The following THRB variants were observed in gnomAD, a reference collection of about 807,000 sequenced individuals.
THRB encodes the protein nuclear receptor subfamily 1 group A member 2.
A neutral mutation model predicts 47.8 loss-of-function variants in THRB; 12 were observed. That is an observed-to-expected ratio of 0.25 (90% CI 0.16 to 0.41). The LOEUF is 0.41. THRB is among the 10% of genes least tolerant of loss of function. The pLI is 1.00. For synonymous variants in THRB, 218 were observed against 212.2 expected (o/e 1.03, Z -0.24); for missense variants, 348 against 589.2 (o/e 0.59, Z 4.24).
At chr3:24,198,212 T>A (rs1480396045) in intron 4 of THRB, among the ~76,000 whole-genome samples, 6 of 152,190 alleles carry the variant, frequency 3.9e-5, no homozygotes, top group African/African-American at 1.4e-4. Context: ...ATTTGGAATA[T>A]TCGGACAAGG....
chr3:24,260,202 G>A (rs1054405920), intron 3 of THRB, among the ~76,000 whole-genome samples: 2 of 152,176 alleles, frequency 1.3e-5, no homozygotes, highest in African/African-American at 2.4e-5. Flanking sequence ...CAGTTGTCAG[G>A]AGAGAAAATG....
At chr3:24,187,486 G>T (rs844103) in intron 5 of THRB, among the ~76,000 whole-genome samples, 35,847 of 151,966 alleles carry the variant, frequency 0.24, 4,384 homozygotes, top group Admixed American at 0.33. Context: ...TATTTTGTTC[G>T]TATCATTTCT....
chr3:24,278,774 G>A (rs993118261), intron 3 of THRB, among the ~76,000 whole-genome samples: 5 of 152,170 alleles, frequency 3.3e-5, no homozygotes, highest in African/African-American at 7.2e-5. Context: ...AGCACCCAAC[G>A]TGGCAGCTGC....
chr3:24,313,534 T>C (rs2057902369), intron 2 of THRB, among the ~76,000 whole-genome samples: 1 of 152,188 alleles, frequency 6.6e-6, no homozygotes. Context: ...TTGAAAAATA[T>C]GTTTCTCTCT....
At chr3:24,279,630 C>G (rs1040998237) in intron 3 of THRB, among the ~76,000 whole-genome samples, 1 of 150,562 alleles carries the variant, frequency 6.6e-6, no homozygotes, top group Admixed American at 6.6e-5. Context: ...CTCCTGACCT[C>G]GTGATCCACC....
intron 3 of THRB, among the ~76,000 whole-genome samples, chr3:24,248,539 T>C (rs903343352): frequency 6.6e-6 from 1 of 152,144 alleles, no homozygotes; most frequent in Non-Finnish European, 1.5e-5. Context: ...CTTTGCTCTA[T>C]TCTGTGATGC....
intron 10 of THRB, among the ~76,000 whole-genome samples, chr3:24,126,609 G>T (rs1481035436): frequency 6.9e-6 from 1 of 145,756 alleles, no homozygotes; most frequent in South Asian, 2.2e-4. Flanking sequence ...AGTGAAGCAG[G>T]TAGTTACAGT....
intron 9 of THRB, among the ~76,000 whole-genome samples, chr3:24,130,968 C>T (rs556234474): frequency 2.6e-4 from 39 of 152,224 alleles, no homozygotes; most frequent in Non-Finnish European, 3.5e-4. Context: ...AATATGTAAA[C>T]GCTATGTCCT....
intron 4 of THRB, among the ~76,000 whole-genome samples, chr3:24,220,377 G>C (rs1042633205): frequency 6.6e-6 from 1 of 152,128 alleles, no homozygotes; most frequent in African/African-American, 2.4e-5. Context: ...TGTAGTCCCA[G>C]CTACTCGGGA....
At chr3:24,384,362 AGGATACTGT>A (rs1166874592) in intron 1 of THRB, among the ~76,000 whole-genome samples, 1 of 152,174 alleles carries the variant, frequency 6.6e-6, no homozygotes, top group Non-Finnish European at 1.5e-5. Context: ...TCTTATGTGT[AGGATACTGT>A]TACAACTTTA....
chr3:24,493,266 T>C (rs1301645229), intron 1 of THRB, among the ~76,000 whole-genome samples: 1 of 152,236 alleles, frequency 6.6e-6, no homozygotes, highest in Admixed American at 6.5e-5. Flanking sequence ...AGCAGGTCAG[T>C]CACTGAATAT....
chr3:24,455,698 T>C (rs2073105761), intron 1 of THRB, among the ~76,000 whole-genome samples: 1 of 152,154 alleles, frequency 6.6e-6, no homozygotes, highest in South Asian at 2.1e-4. Context: ...TTAAATTGCC[T>C]AAAAGAATTC....
chr3:24,210,560 C>A (rs2045918274), intron 4 of THRB, among the ~76,000 whole-genome samples: 1 of 152,120 alleles, frequency 6.6e-6, no homozygotes, highest in Non-Finnish European at 1.5e-5. Flanking sequence ...ACAGCCCCCA[C>A]AACAAAGAAT....
At chr3:24,475,884 C>A (rs1695382525) in intron 1 of THRB, among the ~76,000 whole-genome samples, 1 of 152,166 alleles carries the variant, frequency 6.6e-6, no homozygotes, top group Non-Finnish European at 1.5e-5. Context: ...TATGTAAAAT[C>A]ATGTTTAATA....
At chr3:24,399,092 T>C (rs1202406751) in intron 1 of THRB, among the ~76,000 whole-genome samples, 3 of 143,160 alleles carry the variant, frequency 2.1e-5, no homozygotes, top group Middle Eastern at 3.2e-3. Flanking sequence ...GTGGGGGGAG[T>C]GGGGAGGGAT....
intron 1 of THRB, chr3:24,459,007 G>T (rs535963301): frequency 6.6e-6 from 1 of 151,300 alleles, no homozygotes; most frequent in Non-Finnish European, 1.5e-5. Context: ...TGTGCAGAAC[G>T]TGCAGTTTTG....
intron 3 of THRB, among the ~76,000 whole-genome samples, 155 bp from the exon 4 acceptor site, chr3:24,229,156 T>C (rs2047998862): frequency 1.3e-5 from 2 of 152,234 alleles, no homozygotes; most frequent in South Asian, 4.1e-4. Context: ...GTGGGCTATG[T>C]GATATGTGTA....
intron 1 of THRB, among the ~76,000 whole-genome samples, chr3:24,404,663 A>T (rs1485424250): frequency 6.6e-6 from 1 of 151,886 alleles, no homozygotes. Context: ...GGCAACATAT[A>T]AAGAATTTAT....
chr3:24,288,095 A>G (rs953653101), intron 3 of THRB, among the ~76,000 whole-genome samples: 1 of 152,226 alleles, frequency 6.6e-6, no homozygotes, highest in Non-Finnish European at 1.5e-5. Context: ...AGGTTTTAAG[A>G]GCATCTTTTA....
Sources: allele counts gnomAD v4.1 joint callset (sites outside exome capture counted in the v4.1 genomes callset), GRCh38; gene constraint gnomAD v4.1.1; transcripts MANE v1.5; gene names NCBI Gene and HGNC (gene_info 2026-07-23, HGNC 2026-07-21).